The following ARHGAP10 variants were observed in gnomAD, a reference collection of about 807,000 sequenced individuals.
The protein encoded by ARHGAP10 is rho GTPase-activating protein 10.
In ARHGAP10, 87 loss-of-function variants were observed where a neutral mutation model predicts 108.6. That is an observed-to-expected ratio of 0.80 (90% confidence interval 0.67 to 0.96). ARHGAP10 has a LOEUF of 0.96. Ranked by LOEUF, ARHGAP10 falls within the 40% of genes least tolerant of loss-of-function variation. ARHGAP10 has a pLI of 0.00. For synonymous variants in ARHGAP10, 347 were observed against 341.1 expected (o/e 1.02, Z -0.19); for missense variants, 939 against 954.5 (o/e 0.98, Z 0.21).
intron 18 of ARHGAP10, among the ~76,000 whole-genome samples, chr4:147,982,112 A>C (rs1739830477): frequency 6.6e-6 from 1 of 152,198 alleles, no homozygotes; most frequent in African/African-American, 2.4e-5. Context: ...AGTATGGGTC[A>C]CTGCAGCTTT....
At chr4:147,792,916 G>A (rs1255296258) in intron 1 of ARHGAP10, among the ~76,000 whole-genome samples, 8 of 152,254 alleles carry the variant, frequency 5.3e-5, no homozygotes, top group African/African-American at 1.7e-4. Context: ...TTGGGAGGCC[G>A]AGGCAGGCGG....
intron 18 of ARHGAP10, among the ~76,000 whole-genome samples, chr4:147,972,380 A>G (rs968159128): frequency 6.6e-6 from 1 of 152,180 alleles, no homozygotes; most frequent in Non-Finnish European, 1.5e-5. Context: ...GTATCCCTGT[A>G]TGGGTGAAAA....
intron 18 of ARHGAP10, among the ~76,000 whole-genome samples, chr4:148,005,476 A>G (rs1740910011): frequency 6.6e-6 from 1 of 152,302 alleles, no homozygotes; most frequent in Non-Finnish European, 1.5e-5. Context: ...AATATTCTGT[A>G]TGTATCAGTA....
chr4:147,997,697 C>T (rs539602093), intron 18 of ARHGAP10, among the ~76,000 whole-genome samples: 1 of 152,100 alleles, frequency 6.6e-6, no homozygotes, highest in Non-Finnish European at 1.5e-5. Context: ...ATAACTTAAC[C>T]TGGTCAAAGA....
chr4:147,832,501 G>A (rs1305010707), intron 3 of ARHGAP10, among the ~76,000 whole-genome samples: 3 of 151,768 alleles, frequency 2.0e-5, no homozygotes, highest in Non-Finnish European at 4.4e-5. Flanking sequence ...ACAAAAATTA[G>A]CCAGTCGTGG....
intron 1 of ARHGAP10, among the ~76,000 whole-genome samples, chr4:147,778,632 G>A (rs1730405790): frequency 6.6e-6 from 1 of 152,200 alleles, no homozygotes; most frequent in South Asian, 2.1e-4. Flanking sequence ...TCATAGGGGT[G>A]TTGCTAATCA....
chr4:147,964,875 A>G (rs973018652), intron 16 of ARHGAP10, 149 bp from the exon 17 acceptor site: 1 of 532,334 alleles, frequency 1.9e-6, no homozygotes, highest in African/African-American at 2.0e-5. Context: ...TAACGGTGGC[A>G]AAATATGTTT....
rs550180998 is a variant in ARHGAP10 at position 148,033,539 on chromosome 4, A to G, written c.1867+10126A>G. Among the ~76,000 whole-genome samples, 18 of 152,324 alleles carry G rather than the reference A, an allele frequency of 1.2e-4. No homozygotes were observed. The South Asian group carries it at 3.3e-3, about 28-fold the overall frequency. ...GTGGTTAGAGTTGGTGATTTTCTTT[A>G]TACATATTTGTATTTCCTATCTTGT... On this transcript the variant is annotated intron_variant, in intron 19 of 22. Transcript: ENST00000336498.
chr4:147,892,573 GGGGAGTGTGGGGTTGGCT>G (rs150056541), intron 10 of ARHGAP10, among the ~76,000 whole-genome samples: 126,229 of 151,406 alleles, frequency 0.83, 53,423 homozygotes, highest in Non-Finnish European at 0.92. Flanking sequence ...GAGCAGCATG[GGGGAGTGTGGGGTTGGCT>G]GGGAGTGTGG....
chr4:147,829,685 A>C (rs1310543679), intron 3 of ARHGAP10, among the ~76,000 whole-genome samples: 1 of 152,172 alleles, frequency 6.6e-6, no homozygotes, highest in Admixed American at 6.5e-5. Context: ...TCTCTCTGGC[A>C]TGGCAGGACA....
intron 18 of ARHGAP10, among the ~76,000 whole-genome samples, chr4:148,021,917 G>T (rs1280348829): frequency 2.0e-5 from 3 of 152,176 alleles, no homozygotes; most frequent in Admixed American, 6.5e-5. Flanking sequence ...ATTTACACAT[G>T]AGGGGGCAGT....
At chr4:147,927,198 TA>T (rs1439082025) in intron 13 of ARHGAP10, among the ~76,000 whole-genome samples, 1 of 152,174 alleles carries the variant, frequency 6.6e-6, no homozygotes, top group Non-Finnish European at 1.5e-5. Flanking sequence ...TAACAAAGTT[TA>T]AAAGTTTGAG....
chr4:147,903,283 CA>C (rs1363407742), intron 10 of ARHGAP10, among the ~76,000 whole-genome samples: 5 of 151,842 alleles, frequency 3.3e-5, no homozygotes, highest in African/African-American at 7.3e-5. Context: ...ACTCTGCATT[CA>C]AAAAAAACTT....
chr4:148,019,394 G>A (rs1741477526), intron 18 of ARHGAP10, among the ~76,000 whole-genome samples: 1 of 152,152 alleles, frequency 6.6e-6, no homozygotes, highest in Non-Finnish European at 1.5e-5. Context: ...CTTAATCCCT[G>A]TAGTACAGGC....
intron 4 of ARHGAP10, among the ~76,000 whole-genome samples, chr4:147,853,096 C>T (rs1320043539): frequency 6.6e-6 from 1 of 152,158 alleles, no homozygotes; most frequent in Non-Finnish European, 1.5e-5. Flanking sequence ...GTGGCTAGAG[C>T]CCATTTCAGC....
chr4:147,818,301 C>G (rs1380249731), intron 1 of ARHGAP10, among the ~76,000 whole-genome samples: 1 of 151,946 alleles, frequency 6.6e-6, no homozygotes, highest in Non-Finnish European at 1.5e-5. Flanking sequence ...CGCGGTGGCT[C>G]ACGCTTGTAA....
intron 4 of ARHGAP10, among the ~76,000 whole-genome samples, chr4:147,856,768 A>T (rs944217750): frequency 1.3e-5 from 2 of 152,232 alleles, no homozygotes; most frequent in Non-Finnish European, 2.9e-5. Flanking sequence ...ACCTGTATTC[A>T]TACTGGACCA....
At chr4:147,835,755 T>C (rs1733146050) in intron 3 of ARHGAP10, among the ~76,000 whole-genome samples, 1 of 152,246 alleles carries the variant, frequency 6.6e-6, no homozygotes. Context: ...AGTCATACCA[T>C]TCACTTCAGA....
At chr4:147,924,715 G>A (rs1288537959) in intron 13 of ARHGAP10, among the ~76,000 whole-genome samples, 2 of 151,400 alleles carry the variant, frequency 1.3e-5, no homozygotes. Context: ...TATCTTGATT[G>A]TAATCTCAGT....
Sources: gnomAD v4.1 joint callset for allele counts (sites outside exome capture counted in the v4.1 genomes callset) on GRCh38, gnomAD v4.1.1 for gene constraint, MANE v1.5 for transcripts, NCBI Gene and HGNC (gene_info 2026-07-23, HGNC 2026-07-21) for gene names.